Variants in SLC24A2 observed in about 807,000 individuals in gnomAD.
SLC24A2 encodes the protein sodium/potassium/calcium exchanger 2.
In SLC24A2, 36 loss-of-function variants were observed where a neutral mutation model predicts 62.0. That is an observed-to-expected ratio of 0.58 (90% CI 0.44 to 0.77). The LOEUF is 0.77. Ranked by LOEUF, SLC24A2 falls within the 30% of genes least tolerant of loss-of-function variation. The pLI, the probability that SLC24A2 is intolerant of heterozygous loss-of-function variation, is 0.00. For missense variants in SLC24A2, 846 were observed against 817.9 expected (o/e 1.03, Z -0.42); for synonymous variants, 358 against 294.0 (o/e 1.22, Z -2.23).
chr9:19,940,363 G>A, the SLC24A2 span, among the ~76,000 whole-genome samples: 4 of 152,204 alleles, frequency 2.6e-5, no homozygotes, highest in Admixed American at 2.6e-4. Context: ...ACAAGGCTAG[G>A]TGAACATTTG....
the SLC24A2 span, among the ~76,000 whole-genome samples, chr9:19,827,363 G>T: frequency 1.3e-5 from 2 of 152,198 alleles, no homozygotes; most frequent in African/African-American, 4.8e-5. Flanking sequence ...GAAACTTTGA[G>T]TTTGCAGGGG....
At chr9:20,120,188 T>C in the SLC24A2 span, among the ~76,000 whole-genome samples, 1 of 152,184 alleles carries the variant, frequency 6.6e-6, no homozygotes, top group African/African-American at 2.4e-5. Flanking sequence ...TTTTGAAAAA[T>C]AGATCTAAAC....
the SLC24A2 span, among the ~76,000 whole-genome samples, chr9:19,900,871 A>C: frequency 6.6e-6 from 1 of 152,200 alleles, no homozygotes; most frequent in Non-Finnish European, 1.5e-5. Context: ...GAGGAGAGAA[A>C]GGAATGGAAA....
chr9:19,977,426 G>A, the SLC24A2 span, among the ~76,000 whole-genome samples: 8 of 152,190 alleles, frequency 5.3e-5, no homozygotes, highest in East Asian at 1.4e-3. Context: ...CCAGAGTGGG[G>A]TCTTGAGATA....
At chr9:19,668,652 G>T (rs531369988) in intron 2 of SLC24A2, among the ~76,000 whole-genome samples, 2 of 152,220 alleles carry the variant, frequency 1.3e-5, no homozygotes, top group East Asian at 3.9e-4. Flanking sequence ...GTATCCGCCT[G>T]CCTCCGACAT....
At chr9:19,568,818 G>T (rs945333499) in intron 7 of SLC24A2, among the ~76,000 whole-genome samples, 52 of 152,312 alleles carry the variant, frequency 3.4e-4, no homozygotes, top group African/African-American at 1.1e-3. Flanking sequence ...AGTTATAGAA[G>T]GGTGCATATT....
the SLC24A2 span, among the ~76,000 whole-genome samples, chr9:19,911,457 G>A: frequency 6.6e-6 from 1 of 152,076 alleles, no homozygotes; most frequent in Non-Finnish European, 1.5e-5. Context: ...TGGGTCAAAT[G>A]GTATTTCTAG....
the SLC24A2 span, among the ~76,000 whole-genome samples, chr9:19,835,176 A>C: frequency 6.6e-6 from 1 of 152,356 alleles, no homozygotes; most frequent in African/African-American, 2.4e-5. Context: ...CCTAATGAGC[A>C]AAATAACCAG....
the SLC24A2 span, among the ~76,000 whole-genome samples, chr9:20,106,823 AAC>A: frequency 1.3e-5 from 2 of 152,154 alleles, no homozygotes; most frequent in Non-Finnish European, 2.9e-5. Flanking sequence ...ACTCCTATTC[AAC>A]ACAGTGTTGG....
intron 5 of SLC24A2, among the ~76,000 whole-genome samples, chr9:19,588,482 G>A (rs916701730): frequency 5.9e-5 from 9 of 152,006 alleles, no homozygotes; most frequent in Admixed American, 1.3e-4. Flanking sequence ...GTAGGAAATC[G>A]GCCTTGTCAT....
At chr9:19,759,883 C>A (rs867796030) in intron 2 of SLC24A2, among the ~76,000 whole-genome samples, 1 of 152,132 alleles carries the variant, frequency 6.6e-6, no homozygotes, top group African/African-American at 2.4e-5. Flanking sequence ...AAACACCCTG[C>A]TATATCCTTT....
chr9:19,645,897 C>A (rs1284272068), intron 2 of SLC24A2, among the ~76,000 whole-genome samples: 1 of 152,324 alleles, frequency 6.6e-6, no homozygotes, highest in East Asian at 1.9e-4. Context: ...CTTTGAAATG[C>A]ACAGGGCACT....
chr9:20,150,000 C>G, the SLC24A2 span, among the ~76,000 whole-genome samples: 1 of 152,018 alleles, frequency 6.6e-6, no homozygotes, highest in Non-Finnish European at 1.5e-5. Context: ...CTTATAGTCA[C>G]TGTGGCATGT....
intron 2 of SLC24A2, among the ~76,000 whole-genome samples, chr9:19,743,079 G>A (rs1393671804): frequency 6.6e-6 from 1 of 152,114 alleles, no homozygotes; most frequent in Non-Finnish European, 1.5e-5. Context: ...TGAAAAAACT[G>A]TTATTTTGAA....
At chr9:19,711,692 C>T (rs1820719188) in intron 2 of SLC24A2, among the ~76,000 whole-genome samples, 1 of 152,218 alleles carries the variant, frequency 6.6e-6, no homozygotes, top group Non-Finnish European at 1.5e-5. Flanking sequence ...AAATCCATGT[C>T]CGCAATTCTG....
the SLC24A2 span, among the ~76,000 whole-genome samples, chr9:20,128,848 T>C: frequency 6.4e-4 from 98 of 152,214 alleles, 1 homozygote; most frequent in African/African-American, 2.2e-3. Context: ...CTTTGAAGAA[T>C]ATATAGGGGT....
the SLC24A2 span, among the ~76,000 whole-genome samples, chr9:20,178,138 TA>T: frequency 4.8e-4 from 73 of 152,256 alleles, no homozygotes; most frequent in Middle Eastern, 3.4e-3. Flanking sequence ...CAAGTACAGG[TA>T]AAAAGGTTAA....
the SLC24A2 span, among the ~76,000 whole-genome samples, chr9:20,186,736 T>C: frequency 6.6e-6 from 1 of 152,216 alleles, no homozygotes; most frequent in African/African-American, 2.4e-5. Context: ...TCAAATTATA[T>C]AGGATTAAAT....
At chr9:19,809,931 C>T in the SLC24A2 span, among the ~76,000 whole-genome samples, 1,173 of 152,204 alleles carry the variant, frequency 7.7e-3, 13 homozygotes, top group African/African-American at 0.027. Flanking sequence ...TCGTGTGTGT[C>T]CGTGTCCTAA....
Sources: allele counts gnomAD v4.1 joint callset (sites outside exome capture counted in the v4.1 genomes callset), GRCh38; gene constraint gnomAD v4.1.1; transcripts MANE v1.5; gene names NCBI Gene and HGNC (gene_info 2026-07-23, HGNC 2026-07-21).